Variants in HS2ST1 observed in about 807,000 individuals in gnomAD.
HS2ST1 encodes the protein 2-O-sulfotransferase.
HS2ST1 carries 18 observed loss-of-function variants against 42.9 expected under a neutral mutation model. That is an observed-to-expected ratio of 0.42 (90% CI 0.29 to 0.62). HS2ST1 has a LOEUF of 0.62. HS2ST1 is among the 20% of genes least tolerant of loss of function. The probability of loss-of-function intolerance (pLI) is 0.21; values close to 1 mark genes in which losing one functional copy is unlikely to be tolerated. For synonymous variants in HS2ST1, 146 were observed against 152.9 expected, an observed-to-expected ratio of 0.95 and a Z score of 0.33; for missense variants, 334 against 433.8, an observed-to-expected ratio of 0.77 and a Z score of 2.04.
rs1237499429 is a variant in HS2ST1, at chr1:87,102,039, A to C, written c.687-1393A>C. Among the ~76,000 whole-genome samples, 12 of 151,842 alleles carry C rather than the reference A, an allele frequency of 7.9e-5. 1 individual carries two copies. ...GGGAGAAAGAGAGTGAAGGGGGAGG[A>C]CCCAGTCGTTTATTATTATTATTAT... On this transcript the variant is annotated intron_variant, in intron 5 of 6. Coordinates refer to ENST00000370550, the MANE Select transcript of HS2ST1 (RefSeq NM_012262.4).
At chr1:87,004,370 G>A (rs760365131) in intron 1 of HS2ST1, among the ~76,000 whole-genome samples, 3 of 152,142 alleles carry the variant, frequency 2.0e-5, no homozygotes, top group Non-Finnish European at 2.9e-5. Flanking sequence ...CAGCCTGGGC[G>A]ATGGAGGGAG....
chr1:87,083,469 A>G (rs1323640161), intron 2 of HS2ST1, among the ~76,000 whole-genome samples: 4 of 152,196 alleles, frequency 2.6e-5, no homozygotes, highest in Non-Finnish European at 5.9e-5. Flanking sequence ...CCATTGAGAA[A>G]TTGTATATCA....
At chr1:87,055,268 C>T (rs1187996387) in intron 1 of HS2ST1, among the ~76,000 whole-genome samples, 1 of 152,148 alleles carries the variant, frequency 6.6e-6, no homozygotes, top group Non-Finnish European at 1.5e-5. Context: ...ATCCTGAATT[C>T]CTTTCTTCAT....
chr1:87,073,023 G>A lies in HS2ST1; in HGVS notation c.214G>A (p.Glu72Lys), dbSNP rs749866382. 17 of 1,613,964 alleles carry A rather than the reference G, an allele frequency of 1.1e-5. No homozygotes were observed. Among genetic ancestry groups the A allele is most frequent in the Middle Eastern group, 1.6e-4 (1 of 6,084 alleles). ...GCAAGATGCCACTTTAGATGAGGAA[G>A]AGGACATGGTGATCATTTATAACAG... The part of the protein sequence containing the change: ...PRQDATLDEE[E>K]DMVIIYNRVP... The change falls in exon 2 of 7, where the codon GAG becomes AAG. Residue 72 changes from glutamate to lysine, a missense_variant. Physicochemically the swap from Glu to Lys is moderately conservative, Grantham distance 56. Transcript: ENST00000370550.
At chr1:87,052,082 G>A (rs1046063050) in intron 1 of HS2ST1, among the ~76,000 whole-genome samples, 4 of 152,020 alleles carry the variant, frequency 2.6e-5, no homozygotes, top group African/African-American at 9.7e-5. Context: ...CTGAAACCCT[G>A]TATCTACAAA....
intron 1 of HS2ST1, among the ~76,000 whole-genome samples, chr1:87,023,442 G>A (rs184240763): frequency 4.1e-4 from 60 of 144,618 alleles, no homozygotes; most frequent in African/African-American, 1.5e-3. Context: ...ACAAACTGAT[G>A]TGTAATGTTC....
At chr1:86,923,170 A>G (rs1246085001) in intron 1 of HS2ST1, among the ~76,000 whole-genome samples, 1 of 152,156 alleles carries the variant, frequency 6.6e-6, no homozygotes, top group Non-Finnish European at 1.5e-5. Context: ...GCCCTTCTAG[A>G]AGTTTAATAT....
intron 1 of HS2ST1, among the ~76,000 whole-genome samples, chr1:87,058,081 T>G (rs1651023363): frequency 6.6e-6 from 1 of 151,612 alleles, no homozygotes. Context: ...ATCTGTACTG[T>G]AGAGGAGAAA....
intron 1 of HS2ST1, among the ~76,000 whole-genome samples, chr1:87,039,401 A>G (rs889679831): frequency 1.3e-5 from 2 of 152,152 alleles, no homozygotes; most frequent in Non-Finnish European, 2.9e-5. Flanking sequence ...GCCTCTGCTT[A>G]TCTTTTCTTC....
At chr1:86,971,809 C>T (rs925422071) in intron 1 of HS2ST1, among the ~76,000 whole-genome samples, 2 of 151,480 alleles carry the variant, frequency 1.3e-5, no homozygotes, top group Non-Finnish European at 2.9e-5. Flanking sequence ...ATATTCTGAC[C>T]GAGGTTGAAG....
At chr1:87,101,809 A>G (rs78632856) in intron 5 of HS2ST1, among the ~76,000 whole-genome samples, 1 of 152,176 alleles carries the variant, frequency 6.6e-6, no homozygotes, top group Non-Finnish European at 1.5e-5. Flanking sequence ...CTTAGTACCA[A>G]TTTTCTCTAT....
chr1:86,936,056 CTAT>C (rs1660647491), intron 1 of HS2ST1, among the ~76,000 whole-genome samples: 1 of 151,288 alleles, frequency 6.6e-6, no homozygotes, highest in South Asian at 2.1e-4. Context: ...TATAGTTTTG[CTAT>C]TATTATTGCA....
chr1:86,962,212 CT>C (rs1196673740), intron 1 of HS2ST1, among the ~76,000 whole-genome samples: 8 of 152,260 alleles, frequency 5.3e-5, no homozygotes, highest in Admixed American at 2.0e-4. Context: ...AAGCATGATC[CT>C]TACCCTCAAG....
intron 3 of HS2ST1, among the ~76,000 whole-genome samples, chr1:87,091,295 G>C (rs1651934826): frequency 1.3e-5 from 2 of 152,072 alleles, no homozygotes; most frequent in East Asian, 3.9e-4. Context: ...AATAGAATAA[G>C]TATTGATATG....
intron 1 of HS2ST1, among the ~76,000 whole-genome samples, chr1:87,004,565 G>A (rs754672505): frequency 8.5e-5 from 13 of 152,140 alleles, no homozygotes; most frequent in Non-Finnish European, 1.9e-4. Flanking sequence ...TTTATAAGCA[G>A]AGAAATATTT....
chr1:87,103,720 C>A lies in HS2ST1; in HGVS notation c.844+131C>A, dbSNP rs575891220. The A allele has an allele frequency of 7.2e-6, 5 of 696,530 alleles. 1 individual carries two copies. Among genetic ancestry groups the A allele is most frequent in the Non-Finnish European group, 1.1e-5 (5 of 437,520 alleles). The allele number at this position is 696,530 out of a possible 1,614,324, so 43.1% of individuals were successfully genotyped here. A position where few individuals can be genotyped will look rare whatever the true frequency, so the allele number is the denominator to read the frequency against. On this transcript the variant is annotated intron_variant, in intron 6 of 6. Coordinates refer to ENST00000370550, the MANE Select transcript of HS2ST1 (RefSeq NM_012262.4). ...AGCTCCAGAAAGGCAGGTATCTTGT[C>A]GGTTTCTGCTCACTATTTTCAATTG...
chr1:87,102,468 G>T (rs1291886596), intron 5 of HS2ST1, among the ~76,000 whole-genome samples: 1 of 152,102 alleles, frequency 6.6e-6, no homozygotes, highest in East Asian at 1.9e-4. Flanking sequence ...CCATGATCCA[G>T]TTACCTCCCA....
At chr1:87,078,166 G>A (rs1243739336) in intron 2 of HS2ST1, among the ~76,000 whole-genome samples, 2 of 152,180 alleles carry the variant, frequency 1.3e-5, no homozygotes, top group Non-Finnish European at 2.9e-5. Flanking sequence ...TGGCCAGAAT[G>A]TTCAGGATGA....
chr1:87,054,645 G>A (rs772523779), intron 1 of HS2ST1, among the ~76,000 whole-genome samples: 1 of 152,098 alleles, frequency 6.6e-6, no homozygotes, highest in Non-Finnish European at 1.5e-5. Context: ...TGCCCACCAA[G>A]GATTAAATTT....
Sources: allele counts gnomAD v4.1 joint callset (sites outside exome capture counted in the v4.1 genomes callset), GRCh38; gene constraint gnomAD v4.1.1; transcripts MANE v1.5; gene names NCBI Gene and HGNC (gene_info 2026-07-23, HGNC 2026-07-21).